ITGAM: variants seen among roughly 807,000 people sequenced by gnomAD.
ITGAM encodes integrin alpha-M.
Under a neutral mutation model 137.5 loss-of-function variants are expected in ITGAM, and 79 were observed. The observed-to-expected ratio is 0.57, with a 90% CI of 0.48 to 0.69. ITGAM has a LOEUF of 0.69. Among genes scored for constraint, ITGAM ranks in the 30% least tolerant of loss-of-function variants. ITGAM has a pLI of 0.00. For missense variants in ITGAM, 1,343 were observed against 1,483.5 expected (o/e 0.91, Z 1.56); for synonymous variants, 583 against 592.3 (o/e 0.98, Z 0.23).
chr16:31,329,109 C>CCCCCCCCCCCCA, intron 23 of ITGAM, 119 bp from the exon 24 acceptor site: 1 of 697,470 alleles, frequency 1.4e-6, no homozygotes, highest in Non-Finnish European at 2.6e-6. Flanking sequence ...ATCTCCACCC[C>CCCCCCCCCCCCA]CCAGGACTTC....
At chr16:31,302,401 T>TTTCTTTCTTTCTTTC (rs1179355370) in intron 14 of ITGAM, among the ~76,000 whole-genome samples, 6 of 138,216 alleles carry the variant, frequency 4.3e-5, no homozygotes, top group African/African-American at 1.2e-4. Flanking sequence ...TTTTCTTTTC[T>TTTCTTTCTTTCTTTC]TTTCTTTTTT....
intron 24 of ITGAM, 124 bp downstream of exon 24, chr16:31,329,427 C>A (rs2080552021): frequency 2.7e-6 from 2 of 740,940 alleles, no homozygotes; most frequent in African/African-American, 1.7e-5. Flanking sequence ...CTTGGTTCCA[C>A]GCTGCTATCA....
intron 1 of ITGAM, 89 bp from the exon 2 acceptor site, chr16:31,261,603 C>A: frequency 1.3e-6 from 1 of 757,000 alleles, no homozygotes; most frequent in Non-Finnish European, 2.3e-6. Flanking sequence ...AGTGATCCTC[C>A]TGCCTCAGCC....
At chr16:31,305,093 G>A (rs1017432608) in intron 14 of ITGAM, among the ~76,000 whole-genome samples, 1 of 152,134 alleles carries the variant, frequency 6.6e-6, no homozygotes, top group Non-Finnish European at 1.5e-5. Flanking sequence ...CCATGAGCAT[G>A]GGATATATTT....
intron 14 of ITGAM, among the ~76,000 whole-genome samples, chr16:31,317,206 C>T (rs2080402141): frequency 6.6e-6 from 1 of 152,040 alleles, no homozygotes; most frequent in Non-Finnish European, 1.5e-5. Flanking sequence ...AAATTTTCAC[C>T]ACTGGGTATG....
At chr16:31,297,445 A>G (rs2080145462) in intron 12 of ITGAM, 69 bp from the exon 13 acceptor site, 1 of 1,598,718 alleles carries the variant, frequency 6.3e-7, no homozygotes, top group South Asian at 1.1e-5. Flanking sequence ...ACTTTTCTTC[A>G]GAGAGAGAAA....
intron 22 of ITGAM, 60 bp downstream of exon 22, chr16:31,326,995 C>A (rs767913908): frequency 7.9e-7 from 1 of 1,267,974 alleles, no homozygotes; most frequent in Non-Finnish European, 1.2e-6. Context: ...AGCCCCTGGC[C>A]CATGGTGGGC....
chr16:31,319,561 A>C (rs1355422781), intron 14 of ITGAM, among the ~76,000 whole-genome samples: 1 of 152,164 alleles, frequency 6.6e-6, no homozygotes, highest in Non-Finnish European at 1.5e-5. Flanking sequence ...CAGTAAATAC[A>C]AAGTGGGTAT....
intron 23 of ITGAM, among the ~76,000 whole-genome samples, chr16:31,328,509 T>C (rs1286903845): frequency 1.3e-5 from 2 of 151,296 alleles, no homozygotes; most frequent in Non-Finnish European, 2.9e-5. Flanking sequence ...GATGTGAGTG[T>C]GATCTATGTG....
intron 14 of ITGAM, among the ~76,000 whole-genome samples, chr16:31,305,174 C>T (rs2080252694): frequency 6.6e-6 from 1 of 152,086 alleles, no homozygotes; most frequent in South Asian, 2.1e-4. Flanking sequence ...AGCTTCACCT[C>T]CTTGGTTAAC....
chr16:31,292,282 G>C (rs1281142824), intron 12 of ITGAM, among the ~76,000 whole-genome samples: 2 of 151,746 alleles, frequency 1.3e-5, no homozygotes, highest in African/African-American at 4.8e-5. Flanking sequence ...TTTTACTTTA[G>C]GTTTGAGGGT....
At chr16:31,272,875 C>T (rs1295330723) in intron 7 of ITGAM, among the ~76,000 whole-genome samples, 15 of 152,070 alleles carry the variant, frequency 9.9e-5, no homozygotes, top group Non-Finnish European at 1.9e-4. Context: ...CCTTTCCCTT[C>T]CCTGCTGCTT....
chr16:31,299,757 T>A (rs1324927568), intron 14 of ITGAM, among the ~76,000 whole-genome samples: 7 of 131,412 alleles, frequency 5.3e-5, no homozygotes, highest in African/African-American at 2.6e-4. Context: ...CTTCTCCTCC[T>A]CCTCCTCTTC....
chr16:31,269,121 A>G (rs1240018899), intron 5 of ITGAM, among the ~76,000 whole-genome samples: 1 of 152,124 alleles, frequency 6.6e-6, no homozygotes, highest in Non-Finnish European at 1.5e-5. Context: ...TTGATCAGGG[A>G]TGAAATCATC....
At chr16:31,319,906 G>A (rs1384041679) in intron 14 of ITGAM, among the ~76,000 whole-genome samples, 5 of 151,566 alleles carry the variant, frequency 3.3e-5, no homozygotes, top group South Asian at 2.1e-4. Context: ...TCCGCCTCCC[G>A]GGTTCAGGCC....
intron 12 of ITGAM, among the ~76,000 whole-genome samples, chr16:31,279,915 A>G (rs1395023418): frequency 6.6e-6 from 1 of 152,128 alleles, no homozygotes; most frequent in Admixed American, 6.6e-5. Flanking sequence ...TAATTTTTGT[A>G]TAAGGTGTAA....
rs368174848 is a variant in ITGAM at position 31,282,481 on chromosome 16, C to G, written c.1356+4372C>G. On this transcript the variant is annotated intron_variant, in intron 12 of 29. Coordinates refer to ENST00000544665, the MANE Select transcript of ITGAM (RefSeq NM_000632.4). ...CGGTTTACCATTATGTAATGGCCTT[C>G]TTTGTCTCTTTGATCTTTGTTGGTT... 2.6e-5 allele frequency among the ~76,000 whole-genome samples: 4 copies of G among 152,300 alleles called. No individual in the cohort carries two copies. In the East Asian group the frequency reaches 7.7e-4, roughly 29 times the overall value.
At chr16:31,268,757 G>A (rs1273771503) in intron 5 of ITGAM, among the ~76,000 whole-genome samples, 3 of 152,092 alleles carry the variant, frequency 2.0e-5, no homozygotes, top group Admixed American at 6.6e-5. Context: ...TGTCTCCATC[G>A]CCGTCACATA....
At chr16:31,261,857 G>GA (rs943106505) in intron 2 of ITGAM, 60 bp downstream of exon 2, 82 of 1,018,278 alleles carry the variant, frequency 8.1e-5, no homozygotes, top group Admixed American at 1.1e-4. Flanking sequence ...TTACATACCT[G>GA]AAAAAAATCA....
Sources: gnomAD v4.1 joint callset for allele counts (sites outside exome capture counted in the v4.1 genomes callset) on GRCh38, gnomAD v4.1.1 for gene constraint, MANE v1.5 for transcripts, NCBI Gene and HGNC (gene_info 2026-07-23, HGNC 2026-07-21) for gene names.